Variants in TSHR observed in about 807,000 individuals in gnomAD.
TSHR encodes the protein thyroid stimulating hormone receptor, also known as thyrotropin receptor.
Under a neutral mutation model 64.1 loss-of-function variants are expected in TSHR, and 51 were observed. The ratio of observed to expected loss-of-function variants is 0.80; its 90% CI spans 0.64 to 1.01. TSHR has a LOEUF of 1.01. Ranked by LOEUF, TSHR falls within the 50% of genes least tolerant of loss-of-function variation. The pLI, the probability that TSHR is intolerant of heterozygous loss-of-function variation, is 0.00. For missense variants in TSHR, 877 were observed against 942.8 expected, an observed-to-expected ratio of 0.93 and a Z score of 0.91; for synonymous variants, 361 against 361.9, an observed-to-expected ratio of 1.00 and a Z score of 0.03.
Position 81,144,195 on chromosome 14 carries a change from C to G in TSHR, c.2137C>G (p.Pro713Ala), listed in dbSNP as rs2140114149. ...AQAYRGQRVP[P>A]KNSTDIQVQK... is the part of the protein sequence containing the mutation. Reference sequence around the variant, plus strand: ...GGCATACCGGGGGCAGAGGGTTCCTCCAAAGAACAGCACTGATATTCAGGT... The same window carrying G: ...GGCATACCGGGGGCAGAGGGTTCCTGCAAAGAACAGCACTGATATTCAGGT... Residue 713 changes from proline (P) to alanine (A), a missense_variant, in exon 10 of 10, where the codon CCA becomes GCA. Coordinates refer to ENST00000298171, the MANE Select transcript of TSHR (RefSeq NM_000369.5). 1 of 1,613,826 alleles carries G rather than the reference C, an allele frequency of 6.2e-7. No homozygotes were observed. Among genetic ancestry groups the G allele is most frequent in the Non-Finnish European group, 8.5e-7 (1 of 1,179,842 alleles).
At chr14:80,996,198 C>T (rs972757308) in intron 1 of TSHR, among the ~76,000 whole-genome samples, 4 of 151,990 alleles carry the variant, frequency 2.6e-5, no homozygotes, top group Non-Finnish European at 5.9e-5. Flanking sequence ...ATGCATGAGC[C>T]GTAACCGGAT....
At chr14:80,961,611 A>T (rs1045545629) in intron 1 of TSHR, among the ~76,000 whole-genome samples, 1 of 152,236 alleles carries the variant, frequency 6.6e-6, no homozygotes, top group Admixed American at 6.5e-5. Flanking sequence ...ATAACTCAGT[A>T]CAGGTTGAGG....
rs1888026446 is a variant in TSHR at position 81,083,058 on chromosome 14, A to AT, written c.318-4892dup. Among the ~76,000 whole-genome samples the AT allele has an allele frequency of 3.3e-5, 5 of 152,160 alleles. No homozygotes were observed. In the East Asian group the frequency reaches 9.7e-4, roughly 29 times the overall value. On this transcript the variant is annotated intron_variant, in intron 3 of 9. Transcript: ENST00000298171. ...AAAAAAAAGTCTTCCTTAACAGAAG[A>AT]TTTTAAGTGTTTTCCCCTTCTTCTG... is the stretch of plus-strand genomic sequence containing the variant.
At chr14:81,084,962 A>G (rs1888179071) in intron 3 of TSHR, among the ~76,000 whole-genome samples, 1 of 151,946 alleles carries the variant, frequency 6.6e-6, no homozygotes, top group African/African-American at 2.4e-5. Context: ...TCTCTATTTA[A>G]TGATTGATTG....
Position 81,050,839 on chromosome 14 carries a change from C to G in TSHR, c.171-11309C>G, listed in dbSNP as rs1262647013. 2.0e-5 allele frequency: 3 copies of G among 152,080 alleles called. No homozygotes were observed. The South Asian group carries it at 6.2e-4, about 32-fold the overall frequency. 9.4% of individuals were successfully genotyped at this position (152,080 alleles called of 1,614,324 possible). ...TGTGATGAGAACACTTAAAATCCAC[C>G]CTTTTTTCAATTTTGAAAGATTTGG... On this transcript the variant is annotated intron_variant, in intron 1 of 9. Coordinates refer to ENST00000298171, the MANE Select transcript of TSHR (RefSeq NM_000369.5).
At chr14:81,138,114 T>G (rs1266267553) in intron 8 of TSHR, among the ~76,000 whole-genome samples, 1 of 152,200 alleles carries the variant, frequency 6.6e-6, no homozygotes, top group Non-Finnish European at 1.5e-5. Flanking sequence ...CAAAGGTGTT[T>G]ATTTATGCCA....
chr14:81,068,624 G>A (rs1886834879), intron 3 of TSHR, among the ~76,000 whole-genome samples: 1 of 152,166 alleles, frequency 6.6e-6, no homozygotes, highest in African/African-American at 2.4e-5. Context: ...GAGACAATAG[G>A]TATTTACTGA....
chr14:80,956,682 TA>T (rs3216585), intron 1 of TSHR, among the ~76,000 whole-genome samples: 75,304 of 151,320 alleles, frequency 0.5, 20,157 homozygotes, highest in African/African-American at 0.7. Context: ...CCAGTTAAGA[TA>T]AAAAAAAATG....
chr14:81,128,545 A>G (rs941764281), intron 8 of TSHR, among the ~76,000 whole-genome samples: 7 of 152,194 alleles, frequency 4.6e-5, no homozygotes, highest in Non-Finnish European at 8.8e-5. Context: ...CTTCATTTTT[A>G]AAGAGACAAA....
At chr14:81,054,614 C>A (rs1046760005) in intron 1 of TSHR, among the ~76,000 whole-genome samples, 13 of 152,116 alleles carry the variant, frequency 8.5e-5, no homozygotes, top group African/African-American at 2.9e-4. Context: ...AGATGAGGAA[C>A]TTGTTGGGAA....
At chr14:81,037,448 A>AAAAAAAAAAAAAAAAAAAAAAC (rs1273226258) in intron 1 of TSHR, among the ~76,000 whole-genome samples, 7 of 128,548 alleles carry the variant, frequency 5.4e-5, no homozygotes, top group Admixed American at 7.5e-5. Context: ...AACAAACAAA[A>AAAAAAAAAAAAAAAAAAAAAAC]AACAGAAAAT....
At chr14:81,090,401 C>T (rs1388811570) in intron 4 of TSHR, among the ~76,000 whole-genome samples, 2 of 152,190 alleles carry the variant, frequency 1.3e-5, no homozygotes, top group Non-Finnish European at 2.9e-5. Context: ...CATGCCAACA[C>T]ATGCAGCTAA....
At chr14:81,126,593 A>C (rs1351289593) in intron 8 of TSHR, among the ~76,000 whole-genome samples, 2 of 152,238 alleles carry the variant, frequency 1.3e-5, no homozygotes, top group African/African-American at 2.4e-5. Flanking sequence ...AAACTGGTAG[A>C]ACATAAAAGA....
intron 1 of TSHR, among the ~76,000 whole-genome samples, chr14:81,057,954 A>G (rs965718638): frequency 3.3e-5 from 5 of 152,248 alleles, no homozygotes; most frequent in African/African-American, 1.2e-4. Flanking sequence ...AAGATTCCAG[A>G]AACTGTGTAA....
At chr14:81,022,506 C>T (rs1883818814) in intron 1 of TSHR, among the ~76,000 whole-genome samples, 1 of 151,956 alleles carries the variant, frequency 6.6e-6, no homozygotes, top group South Asian at 2.1e-4. Context: ...GAAACTAACC[C>T]TTAATATGGT....
At chr14:81,070,538 A>G (rs1401491938) in intron 3 of TSHR, among the ~76,000 whole-genome samples, 1 of 148,118 alleles carries the variant, frequency 6.8e-6, no homozygotes, top group Non-Finnish European at 1.5e-5. Context: ...GAGGCAGGGA[A>G]TCACTTGAAC....
chr14:80,985,107 G>A (rs1196770874), intron 1 of TSHR, among the ~76,000 whole-genome samples: 1 of 151,980 alleles, frequency 6.6e-6, no homozygotes, highest in African/African-American at 2.4e-5. Flanking sequence ...AAAATTAGCC[G>A]GGTGTGGTGG....
intron 4 of TSHR, among the ~76,000 whole-genome samples, chr14:81,089,412 C>T (rs533016208): frequency 1.4e-4 from 21 of 152,316 alleles, no homozygotes; most frequent in African/African-American, 4.8e-4. Context: ...AATCACTCTT[C>T]TTATGGACTC....
Position 81,125,015 on chromosome 14 carries a change from C to T in TSHR, c.693-14664C>T, listed in dbSNP as rs149171160. Among the ~76,000 whole-genome samples, 241 of 152,278 alleles carry T rather than the reference C, an allele frequency of 1.6e-3. 1 individual carries two copies. The highest frequency in any genetic ancestry group is 5.5e-3 in the African/African-American group (230 of 41,550). ...TATTCCACAGCCATTTTACTAAGCA[C>T]CTACTGAGCTCCAGTAGTTATAAGG... On this transcript the variant is annotated intron_variant, in intron 8 of 9. Coordinates refer to ENST00000298171, the MANE Select transcript of TSHR (RefSeq NM_000369.5).
Sources: allele counts gnomAD v4.1 joint callset (sites outside exome capture counted in the v4.1 genomes callset), GRCh38; gene constraint gnomAD v4.1.1; transcripts MANE v1.5; gene names NCBI Gene and HGNC (gene_info 2026-07-23, HGNC 2026-07-21).